SLC25A39: variants seen among roughly 807,000 people sequenced by gnomAD.
SLC25A39 encodes mitochondrial glutathione transporter SLC25A39.
In SLC25A39, 44 loss-of-function variants were observed where a neutral mutation model predicts 46.6. The observed-to-expected ratio is 0.94, with a 90% CI of 0.74 to 1.21. The LOEUF (loss-of-function observed/expected upper bound fraction) is 1.21, where lower values mean the gene tolerates loss of function less well. SLC25A39 is among the 50% of genes most tolerant of loss of function. SLC25A39 has a pLI of 0.00. For missense variants in SLC25A39, 487 were observed against 473.0 expected (o/e 1.03, Z -0.28); for synonymous variants, 218 against 190.6 (o/e 1.14, Z -1.19).
At position 44,323,482 on chromosome 17, in the gene SLC25A39, G is replaced by C; in HGVS notation, c.81C>G (p.Leu27=). The C allele has an allele frequency of 7.1e-7, 1 of 1,404,526 alleles. No individual in the cohort carries two copies. Among genetic ancestry groups the C allele is most frequent in the African/African-American group, 1.7e-5 (1 of 60,326 alleles). The allele number at this position is 1,404,526 out of a possible 1,614,324, so 87.0% of individuals were successfully genotyped here. The part of the protein sequence containing the change: ...ASGTGAVVTS[L]FMTPLDVVKV... ...CCCACCTCCCCTAGGTCTTACTGAA[G>C]AGAGAGGTAACCACAGCCCCGGTGC... Residue 27 remains leucine (L), a synonymous_variant, in exon 2 of 12, where the codon CTC becomes CTG. Transcript: ENST00000377095.
rs372071989 is a variant in SLC25A39, at chr17:44,323,357, C to T, written c.86-14G>A. On this transcript the variant is annotated splice_polypyrimidine_tract_variant and intron_variant, in intron 2 of 11. Coordinates refer to ENST00000377095, the MANE Select transcript of SLC25A39 (RefSeq NM_001143780.3). ...CCAGGGGTGTCACTGGGGGAGGAAG[C>T]GGGTCTGAAGGCTCCTTTCAGGACC... 2.7e-5 allele frequency: 44 copies of T among 1,607,714 alleles called. No individual in the cohort carries two copies. The South Asian group carries it at 3.5e-4, about 13-fold the overall frequency.
At chr17:44,321,994 C>T (rs768319586) in intron 5 of SLC25A39, among the ~76,000 whole-genome samples, 12 of 152,164 alleles carry the variant, frequency 7.9e-5, no homozygotes, top group Non-Finnish European at 1.3e-4. Flanking sequence ...ATATGTAATC[C>T]CAGCCAGCAC....
intron 1 of SLC25A39, 152 bp downstream of exon 1, chr17:44,324,559 C>T (rs1286046816): frequency 6.6e-6 from 1 of 152,294 alleles, no homozygotes; most frequent in African/African-American, 2.4e-5. Flanking sequence ...CTCCCCGACC[C>T]TCGGCGACAC....
At chr17:44,322,980 T>G in intron 3 of SLC25A39, 128 bp from the exon 4 acceptor site, 1 of 1,025,746 alleles carries the variant, frequency 9.7e-7, no homozygotes, top group Non-Finnish European at 1.4e-6. Flanking sequence ...TGGAGCATAG[T>G]GGCACAATCT....
In SLC25A39 at chr17:44,320,009, C is replaced by G. The variant is rs1457113281; in HGVS notation, c.1072G>C (p.Gly358Arg). 6.2e-7 allele frequency: 1 copy of G among 1,613,776 alleles called. No individual in the cohort carries two copies. The highest frequency in any genetic ancestry group is 1.3e-5 in the African/African-American group (1 of 74,896). Residue 358 changes from glycine (G) to arginine (R), a missense_variant, in exon 12 of 12, where the codon GGC becomes CGC. Gly to Arg is a moderately radical substitution (Grantham distance 125). Transcript: ENST00000377095. ...TTGCCTCCTTGCCCCTTTCAGCCGC[C>G]CAGAAGCCGGTCCTGGTTCAGCCTC... is the stretch of plus-strand genomic sequence containing the variant. ...FQRLNQDRLL[G>R]G
At chr17:44,323,016 C>T (rs1202061427) in intron 3 of SLC25A39, among the ~76,000 whole-genome samples, 164 bp from the exon 4 acceptor site, 3 of 152,130 alleles carry the variant, frequency 2.0e-5, no homozygotes, top group African/African-American at 4.8e-5. Flanking sequence ...TCCACCTTCC[C>T]GGTTCAAGCG....
chr17:44,323,285 G>GAC lies in SLC25A39; in HGVS notation c.143_144insGT (p.Ser48ArgfsTer4), dbSNP rs757146020. ...ACTAGTTCCAGGTCAGGTACTCACC[G>GAC]CTGGCCATGGAGGGCCGCTGAGACT... On this transcript the variant is annotated frameshift_variant and splice_region_variant, in exon 3 of 12. Coordinates refer to ENST00000377095, the MANE Select transcript of SLC25A39 (RefSeq NM_001143780.3). LOFTEE classifies it high-confidence loss of function. 3 of 1,613,728 alleles carry GAC rather than the reference G, an allele frequency of 1.9e-6. No individual in the cohort carries two copies. Among genetic ancestry groups the GAC allele is most frequent in the Non-Finnish European group, 2.5e-6 (3 of 1,179,904 alleles).
At chr17:44,320,592 C>G (rs764322498) in intron 9 of SLC25A39, 30 bp downstream of exon 9, 2 of 1,603,918 alleles carry the variant, frequency 1.2e-6, no homozygotes, top group East Asian at 4.5e-5. Context: ...GAGACCTCCG[C>G]TGGCCTCACC....
At chr17:44,320,486 C>T (rs780133418) in intron 9 of SLC25A39, 50 bp from the exon 10 acceptor site, 11 of 1,604,732 alleles carry the variant, frequency 6.9e-6, no homozygotes, top group Admixed American at 1.7e-5. Context: ...TGGACCCCCA[C>T]CCCTACCTCC....
chr17:44,321,275 A>T lies in SLC25A39; in HGVS notation c.518-44T>A, dbSNP rs370636626. 2.9e-5 allele frequency: 46 copies of T among 1,585,048 alleles called. No homozygotes were observed. In the East Asian group the frequency reaches 3.4e-4, roughly 12 times the overall value. On this transcript the variant is annotated intron_variant, in intron 7 of 11. Transcript: ENST00000377095. ...TGACAATGGGGAGAAGTGAGATCAC[A>T]GGTCTTACATGGCATCACCTACCTG...
rs77010355 is a variant in SLC25A39 at position 44,319,780 on chromosome 17, G to C, written c.*221C>G. 7.2e-6 allele frequency: 4 copies of C among 555,460 alleles called. No homozygotes were observed. The African/African-American group carries it at 7.5e-5, about 10-fold the overall frequency. The allele number at this position is 555,460 out of a possible 1,614,324, so 34.4% of individuals were successfully genotyped here. A position where few individuals can be genotyped will look rare whatever the true frequency, so the allele number is the denominator to read the frequency against. ...GGAAGATTTGGTCTTGAACTTGGGG[G>C]GTGGGTAAGTGATGATCCCCACGAC... On this transcript the variant is annotated 3_prime_UTR_variant, in exon 12 of 12. Transcript: ENST00000377095.
rs1406198968 is a variant in SLC25A39, at chr17:44,323,486, G to C, written c.77C>G (p.Ser26Cys). The stretch of plus-strand genomic sequence containing the variant: ...CCTCCCCTAGGTCTTACTGAAGAGA[G>C]AGGTAACCACAGCCCCGGTGCCTGA... ...VASGTGAVVT[S>C]LFMTPLDVVK... is the part of the protein sequence containing the mutation. The change falls in exon 2 of 12, where the codon TCT (serine) becomes TGT (cysteine). Residue 26 changes from serine to cysteine, a missense_variant. By Grantham distance (112) the Ser-to-Cys change is moderately radical. Coordinates refer to ENST00000377095, the MANE Select transcript of SLC25A39 (RefSeq NM_001143780.3). 1 of 1,521,974 alleles carries C rather than the reference G, an allele frequency of 6.6e-7. No homozygotes were observed. Among genetic ancestry groups the C allele is most frequent in the Non-Finnish European group, 8.8e-7 (1 of 1,130,678 alleles). The allele number at this position is 1,521,974 out of a possible 1,614,324, so 94.3% of individuals were successfully genotyped here. A position where few individuals can be genotyped will look rare whatever the true frequency, so the allele number is the denominator to read the frequency against.
intron 7 of SLC25A39, 84 bp from the exon 8 acceptor site, chr17:44,321,315 G>C: frequency 3.8e-6 from 6 of 1,580,606 alleles, no homozygotes; most frequent in Non-Finnish European, 5.2e-6. Flanking sequence ...CCCAGGTCTG[G>C]GGACCTAGAA....
At chr17:44,322,374 C>T (rs776845334) in intron 5 of SLC25A39, 45 bp downstream of exon 5, 9 of 1,611,610 alleles carry the variant, frequency 5.6e-6, no homozygotes, top group African/African-American at 5.3e-5. Flanking sequence ...AGACCGAACT[C>T]CTCACGGACA....
chr17:44,321,908 T>C (rs567231585), intron 5 of SLC25A39, 141 bp from the exon 6 acceptor site: 1 of 802,762 alleles, frequency 1.2e-6, no homozygotes, highest in Non-Finnish European at 2.0e-6. Flanking sequence ...ACACATGCAG[T>C]ACCCCAGCAG....
Position 44,321,548 on chromosome 17 carries a change from C to T in SLC25A39, c.403G>A (p.Val135Met), listed in dbSNP as rs776073100. ...SGLPATLVMTVPATAIYFTAY... is the reference protein window; with the variant it reads ...SGLPATLVMTMPATAIYFTAY... Reference sequence around the variant, plus strand: ...GTGAAGTAGATGGCGGTAGCTGGCACAGTCATCACCCTGGGGATACAGAGA... The same window carrying T: ...GTGAAGTAGATGGCGGTAGCTGGCATAGTCATCACCCTGGGGATACAGAGA... The change falls in exon 7 of 12, where the codon GTG becomes ATG. Residue 135 changes from valine to methionine, a missense_variant. Coordinates refer to ENST00000377095, the MANE Select transcript of SLC25A39 (RefSeq NM_001143780.3). 6.2e-6 allele frequency: 10 copies of T among 1,613,854 alleles called. No individual in the cohort carries two copies. Among genetic ancestry groups the T allele is most frequent in the Middle Eastern group, 1.6e-4 (1 of 6,082 alleles).
At position 44,320,017 on chromosome 17, in the gene SLC25A39, C is replaced by T. The variant is rs764286382; in HGVS notation, c.1064G>A (p.Arg355Gln). ...TTGCCCCTTTCAGCCGCCCAGAAGC[C>T]GGTCCTGGTTCAGCCTCTGGAAGAA... ...KSFFQRLNQD[R>Q]LLGG is the part of the protein sequence containing the mutation. Residue 355 changes from arginine to glutamine, a missense_variant, in exon 12 of 12, where the codon CGG (arginine) becomes CAG (glutamine). Transcript: ENST00000377095. The T allele has an allele frequency of 6.8e-6, 11 of 1,613,958 alleles. No homozygotes were observed. The highest frequency in any genetic ancestry group is 6.6e-5 in the South Asian group (6 of 91,078).
At chr17:44,323,439 A>AG in intron 2 of SLC25A39, 39 bp downstream of exon 2, 14 of 257,088 alleles carry the variant, frequency 5.4e-5, no homozygotes, top group Non-Finnish European at 7.4e-5. Flanking sequence ...GGTCTGCCCC[A>AG]TCCCCACCCG....
At position 44,322,460 on chromosome 17, in the gene SLC25A39, C is replaced by A. The variant is rs556569623; in HGVS notation, c.283G>T (p.Ala95Ser). The change falls in exon 5 of 12, where the codon GCC (alanine) becomes TCC (serine). Residue 95 changes from alanine (A) to serine (S), a missense_variant. Physicochemically the swap from Ala to Ser is moderately conservative, Grantham distance 99 (BLOSUM62 1). Coordinates refer to ENST00000377095, the MANE Select transcript of SLC25A39 (RefSeq NM_001143780.3). Reference protein sequence around the residue: ...LYLCPNGARCATWFQDPTRFT... With the variant: ...LYLCPNGARCSTWFQDPTRFT... ...CGGGTAGGGTCTTGAAACCAGGTGG[C>A]ACAGCGGGCACCATTTGGGCACAGG... The A allele has an allele frequency of 9.3e-6, 15 of 1,614,162 alleles. No homozygotes were observed. The East Asian group carries it at 3.1e-4, about 34-fold the overall frequency.
Sources: gnomAD v4.1 joint callset for allele counts (sites outside exome capture counted in the v4.1 genomes callset) on GRCh38, gnomAD v4.1.1 for gene constraint, MANE v1.5 for transcripts, NCBI Gene and HGNC (gene_info 2026-07-23, HGNC 2026-07-21) for gene names.